WDR49: variants seen among roughly 807,000 people sequenced by gnomAD.
The protein encoded by WDR49 is cilia- and flagella-associated protein 337.
Under a neutral mutation model 119.5 loss-of-function variants are expected in WDR49, and 107 were observed. The observed-to-expected ratio is 0.90, with a 90% confidence interval of 0.77 to 1.05. The LOEUF is 1.05. Among genes scored for constraint, WDR49 ranks in the 50% least tolerant of loss-of-function variants. The pLI, the probability that WDR49 is intolerant of heterozygous loss-of-function variation, is 0.00. For missense variants in WDR49, 1,240 were observed against 1,220.5 expected (o/e 1.02, Z -0.24); for synonymous variants, 425 against 418.8 (o/e 1.01, Z -0.18).
chr3:167,507,886 C>T (rs926180508), intron 16 of WDR49, among the ~76,000 whole-genome samples: 3 of 152,144 alleles, frequency 2.0e-5, no homozygotes, highest in Non-Finnish European at 4.4e-5. Flanking sequence ...TGAAAATGCA[C>T]AGGGAACTGG....
intron 16 of WDR49, among the ~76,000 whole-genome samples, chr3:167,520,764 C>G (rs1752406915): frequency 6.6e-6 from 1 of 152,060 alleles, no homozygotes; most frequent in African/African-American, 2.4e-5. Flanking sequence ...TGGTTAGACT[C>G]TGTGTGAAGA....
chr3:167,611,948 A>G (rs952425256), intron 5 of WDR49, among the ~76,000 whole-genome samples: 1 of 151,928 alleles, frequency 6.6e-6, no homozygotes, highest in African/African-American at 2.4e-5. Context: ...GAAAATCAAC[A>G]AACGTCAGAC....
At chr3:167,598,768 G>A (rs1352452648) in intron 7 of WDR49, among the ~76,000 whole-genome samples, 1 of 152,226 alleles carries the variant, frequency 6.6e-6, no homozygotes, top group East Asian at 1.9e-4. Context: ...AAGGAATTGA[G>A]TGTTGTGATA....
chr3:167,537,454 T>C (rs540661287), intron 10 of WDR49, among the ~76,000 whole-genome samples: 7 of 152,298 alleles, frequency 4.6e-5, no homozygotes, highest in Admixed American at 3.9e-4. Flanking sequence ...TTAGCACTCC[T>C]TGTGGCATTT....
intron 16 of WDR49, among the ~76,000 whole-genome samples, chr3:167,514,004 T>C (rs1752094893): frequency 6.6e-6 from 1 of 152,020 alleles, no homozygotes; most frequent in Admixed American, 6.6e-5. Flanking sequence ...TCCCACACAA[T>C]CATAGTGGGA....
chr3:167,541,846 G>A (rs906945611), intron 10 of WDR49, among the ~76,000 whole-genome samples: 2 of 151,960 alleles, frequency 1.3e-5, no homozygotes. Flanking sequence ...TAAGGTAAAG[G>A]GGTGGAAAAA....
At chr3:167,650,297 G>T (rs957169515) in intron 2 of WDR49, among the ~76,000 whole-genome samples, 4 of 152,140 alleles carry the variant, frequency 2.6e-5, no homozygotes, top group African/African-American at 9.7e-5. Flanking sequence ...AAAATAATAT[G>T]AGCATCCAGA....
chr3:167,570,655 A>T (rs1713882217), intron 8 of WDR49, among the ~76,000 whole-genome samples: 1 of 152,236 alleles, frequency 6.6e-6, no homozygotes, highest in Non-Finnish European at 1.5e-5. Context: ...TGTATACATA[A>T]TGGAATTTTT....
intron 10 of WDR49, among the ~76,000 whole-genome samples, chr3:167,547,815 G>A (rs1259346875): frequency 6.6e-6 from 1 of 151,830 alleles, no homozygotes; most frequent in Non-Finnish European, 1.5e-5. Context: ...AGAAACTTCA[G>A]TTTACATTTT....
At chr3:167,631,801 G>C (rs1224759158) in intron 2 of WDR49, among the ~76,000 whole-genome samples, 2 of 152,034 alleles carry the variant, frequency 1.3e-5, no homozygotes, top group African/African-American at 4.8e-5. Flanking sequence ...CTGTAAAGTA[G>C]GTAAAGCAGT....
At chr3:167,626,601 T>C (rs1459538538) in intron 3 of WDR49, among the ~76,000 whole-genome samples, 2 of 152,016 alleles carry the variant, frequency 1.3e-5, no homozygotes, top group Non-Finnish European at 2.9e-5. Flanking sequence ...CTGTAAACTA[T>C]ACAGGAGTAA....
chr3:167,647,982 A>G (rs1718205173), intron 2 of WDR49, among the ~76,000 whole-genome samples: 6 of 152,146 alleles, frequency 3.9e-5, no homozygotes, highest in Admixed American at 3.9e-4. Flanking sequence ...CATTTTGTTT[A>G]GGAAATCTTT....
chr3:167,487,181 AC>A (rs1750956350), intron 18 of WDR49, among the ~76,000 whole-genome samples: 1 of 152,194 alleles, frequency 6.6e-6, no homozygotes, highest in Non-Finnish European at 1.5e-5. Flanking sequence ...AAAAACAAAC[AC>A]ATACACCAAT....
chr3:167,496,731 T>C (rs558670686), intron 18 of WDR49, among the ~76,000 whole-genome samples: 1 of 152,340 alleles, frequency 6.6e-6, no homozygotes, highest in South Asian at 2.1e-4. Context: ...ATGTAATATC[T>C]ATCCTAGGAA....
chr3:167,599,858 A>G (rs900300021), intron 7 of WDR49, among the ~76,000 whole-genome samples: 2 of 152,150 alleles, frequency 1.3e-5, no homozygotes, highest in Non-Finnish European at 2.9e-5. Flanking sequence ...TCTCACCTGA[A>G]GTCAACACAT....
intron 18 of WDR49, among the ~76,000 whole-genome samples, chr3:167,481,401 A>C (rs1171160380): frequency 1.3e-5 from 2 of 152,138 alleles, no homozygotes; most frequent in Non-Finnish European, 2.9e-5. Flanking sequence ...ACTCAGAAAA[A>C]GAGGGAAAAA....
chr3:167,570,947 C>A (rs898583406), intron 8 of WDR49, among the ~76,000 whole-genome samples: 1 of 151,436 alleles, frequency 6.6e-6, no homozygotes, highest in African/African-American at 2.4e-5. Context: ...GAGGTAGGAA[C>A]CCAGGAGGCG....
chr3:167,648,742 G>T lies in WDR49; in HGVS notation c.165+4519C>A, dbSNP rs369123198. Among the ~76,000 whole-genome samples, 28 of 152,262 alleles carry T rather than the reference G, an allele frequency of 1.8e-4. No homozygotes were observed. The East Asian group carries it at 4.8e-3, about 26-fold the overall frequency. On this transcript the variant is annotated intron_variant, in intron 2 of 18. Coordinates refer to ENST00000682715, the MANE Select transcript of WDR49 (RefSeq NM_001366157.1). ...TGGACCACAGAAAACATTCCCTAGT[G>T]CTCTCCACTGCTACCAGCTGATGTA...
chr3:167,526,189 C>CA (rs1752623109), intron 15 of WDR49, among the ~76,000 whole-genome samples: 1 of 151,858 alleles, frequency 6.6e-6, no homozygotes, highest in South Asian at 2.1e-4. Flanking sequence ...TTTGCATCTT[C>CA]AAAAAAGCAA....
Sources: allele counts gnomAD v4.1 joint callset (sites outside exome capture counted in the v4.1 genomes callset), GRCh38; gene constraint gnomAD v4.1.1; transcripts MANE v1.5; gene names NCBI Gene and HGNC (gene_info 2026-07-23, HGNC 2026-07-21).